The following TRHDE variants were observed in gnomAD, a reference collection of about 807,000 sequenced individuals.
TRHDE encodes the protein thyrotropin releasing hormone degrading enzyme, also known as thyrotropin-releasing hormone-degrading ectoenzyme.
TRHDE carries 72 observed loss-of-function variants against 125.7 expected under a neutral mutation model. The observed-to-expected ratio is 0.57, with a 90% CI of 0.47 to 0.70. The LOEUF (loss-of-function observed/expected upper bound fraction) is 0.70, where lower values mean the gene tolerates loss of function less well. Ranked by LOEUF, TRHDE falls within the 30% of genes least tolerant of loss-of-function variation. The pLI, the probability that TRHDE is intolerant of heterozygous loss-of-function variation, is 0.00. For missense variants in TRHDE, 1,110 were observed against 1,327.1 expected, an observed-to-expected ratio of 0.84 and a Z score of 2.54; for synonymous variants, 509 against 509.1, an observed-to-expected ratio of 1.00 and a Z score of 0.00.
chr12:72,297,461 G>T (rs1305845589), intron 2 of TRHDE, among the ~76,000 whole-genome samples: 12 of 152,138 alleles, frequency 7.9e-5, no homozygotes, highest in African/African-American at 2.7e-4. Flanking sequence ...CATGGAGTGA[G>T]CAGAAAGTAA....
At chr12:72,557,237 G>C (rs1273000619) in intron 7 of TRHDE, among the ~76,000 whole-genome samples, 1 of 152,128 alleles carries the variant, frequency 6.6e-6, no homozygotes, top group African/African-American at 2.4e-5. Context: ...AAGAAATTCT[G>C]TATCTTTCCT....
intron 2 of TRHDE, among the ~76,000 whole-genome samples, chr12:72,373,315 A>G (rs972354679): frequency 1.3e-5 from 2 of 152,188 alleles, no homozygotes; most frequent in Non-Finnish European, 1.5e-5. Flanking sequence ...TTTTCTAGAT[A>G]TACAATTATG....
chr12:72,499,189 AT>A (rs1414090194), intron 5 of TRHDE, among the ~76,000 whole-genome samples: 2 of 152,088 alleles, frequency 1.3e-5, no homozygotes, highest in East Asian at 3.9e-4. Flanking sequence ...GCATCTTCTC[AT>A]TGTTGTTATT....
At chr12:72,495,829 C>A (rs1009147708) in intron 5 of TRHDE, among the ~76,000 whole-genome samples, 17 of 152,090 alleles carry the variant, frequency 1.1e-4, no homozygotes, top group African/African-American at 4.1e-4. Flanking sequence ...CTCACATTTT[C>A]TTTACTTTTC....
chr12:72,661,200 C>T (rs955091002), intron 18 of TRHDE, among the ~76,000 whole-genome samples: 1 of 152,154 alleles, frequency 6.6e-6, no homozygotes, highest in Non-Finnish European at 1.5e-5. Context: ...GATAATCCAA[C>T]CTACTATCTC....
At chr12:72,581,681 G>T (rs1196183970) in intron 12 of TRHDE, among the ~76,000 whole-genome samples, 1 of 152,058 alleles carries the variant, frequency 6.6e-6, no homozygotes, top group East Asian at 1.9e-4. Flanking sequence ...ATTTTCCCAT[G>T]ATGAGGGCAA....
intron 1 of TRHDE, among the ~76,000 whole-genome samples, chr12:72,089,196 C>T (rs1874735673): frequency 6.6e-6 from 1 of 152,158 alleles, no homozygotes; most frequent in East Asian, 1.9e-4. Flanking sequence ...AGCCACTTCT[C>T]ACCACTTTTG....
chr12:72,145,207 T>C (rs982400362), intron 2 of TRHDE, among the ~76,000 whole-genome samples: 6 of 152,216 alleles, frequency 3.9e-5, no homozygotes, highest in Admixed American at 2.0e-4. Flanking sequence ...AATAAGTGTT[T>C]CTCCATTTGC....
intron 2 of TRHDE, among the ~76,000 whole-genome samples, chr12:72,182,586 A>T (rs905795915): frequency 6.6e-6 from 1 of 152,124 alleles, no homozygotes; most frequent in Admixed American, 6.5e-5. Flanking sequence ...ACCTCCCCTT[A>T]TCCACTCCTG....
At chr12:72,389,790 C>T (rs977318527) in intron 3 of TRHDE, among the ~76,000 whole-genome samples, 4 of 152,154 alleles carry the variant, frequency 2.6e-5, no homozygotes, top group African/African-American at 9.7e-5. Context: ...ACATAGCAGG[C>T]AAGGTCTGGT....
rs1879264570 is a variant in TRHDE at position 72,272,533 on chromosome 12, T to C, written c.-111T>C. On this transcript the variant is annotated 5_prime_UTR_variant, in exon 1 of 19. Transcript: ENST00000261180. The surrounding 1 kb of genome is among the most constrained non-coding windows in gnomAD (Gnocchi z 6.7). ...AAAGAACCCGGGCCAGCATCCCCAGTCGCGCGCCCTCGGCCCGCGTGAGCT... is the reference window on the plus strand; with the variant it reads ...AAAGAACCCGGGCCAGCATCCCCAGCCGCGCGCCCTCGGCCCGCGTGAGCT... 1 of 560,190 alleles carries C rather than the reference T, an allele frequency of 1.8e-6. No individual in the cohort carries two copies. The highest frequency in any genetic ancestry group is 3.1e-6 in the Non-Finnish European group (1 of 317,998). The allele number at this position is 560,190 out of a possible 1,614,324, so 34.7% of individuals were successfully genotyped here.
At chr12:72,094,949 G>A (rs1304157171) in intron 1 of TRHDE, among the ~76,000 whole-genome samples, 1 of 152,078 alleles carries the variant, frequency 6.6e-6, no homozygotes, top group South Asian at 2.1e-4. Context: ...TTATTGCTGT[G>A]GGGGAATAAA....
intron 2 of TRHDE, among the ~76,000 whole-genome samples, chr12:72,179,122 C>T (rs1877045829): frequency 6.6e-6 from 1 of 152,050 alleles, no homozygotes. Context: ...AGCTCAGGAC[C>T]TGACTTATTG....
chr12:72,197,410 G>A (rs1877466471), intron 2 of TRHDE, among the ~76,000 whole-genome samples: 1 of 152,118 alleles, frequency 6.6e-6, no homozygotes, highest in African/African-American at 2.4e-5. Flanking sequence ...TAGAATGGTA[G>A]CTTCATGAGA....
intron 2 of TRHDE, among the ~76,000 whole-genome samples, chr12:72,217,478 C>T (rs772488910): frequency 8.5e-5 from 13 of 152,098 alleles, no homozygotes; most frequent in Non-Finnish European, 1.3e-4. Flanking sequence ...TCTGACAGCA[C>T]GTGAGAGTTC....
intron 2 of TRHDE, among the ~76,000 whole-genome samples, chr12:72,374,000 A>G (rs1029998911): frequency 2.0e-5 from 3 of 152,174 alleles, no homozygotes; most frequent in South Asian, 2.1e-4. Flanking sequence ...TACTGTATAC[A>G]TAACAGCTTG....
chr12:72,380,146 GGTTTTCCA>G (rs1343609826), intron 3 of TRHDE, among the ~76,000 whole-genome samples: 5 of 152,058 alleles, frequency 3.3e-5, no homozygotes, highest in Admixed American at 1.3e-4. Flanking sequence ...TATCTAAGAT[GGTTTTCCA>G]GACATATTCT....
At chr12:72,150,904 G>T (rs1233430851) in intron 2 of TRHDE, among the ~76,000 whole-genome samples, 19 of 152,056 alleles carry the variant, frequency 1.2e-4, no homozygotes, top group Non-Finnish European at 2.2e-4. Flanking sequence ...AATCTTTTGG[G>T]TATATACCCA....
chr12:72,148,607 C>G (rs1330806274), intron 2 of TRHDE, among the ~76,000 whole-genome samples: 1 of 152,132 alleles, frequency 6.6e-6, no homozygotes, highest in South Asian at 2.1e-4. Context: ...ATATTCATAG[C>G]CTCTGATCCT....
Sources: gnomAD v4.1 joint callset for allele counts (sites outside exome capture counted in the v4.1 genomes callset) on GRCh38, gnomAD v4.1.1 for gene constraint, Gnocchi (gnomAD v3.1) non-coding constraint, MANE v1.5 for transcripts, NCBI Gene and HGNC (gene_info 2026-07-23, HGNC 2026-07-21) for gene names.